The following QTMAN variants were observed in gnomAD, a reference collection of about 807,000 sequenced individuals.
QTMAN encodes the protein tRNA-queuosine alpha-mannosyltransferase.
At chr2:143,938,396 C>T in the QTMAN span, 9 of 152,320 alleles carry the variant, frequency 5.9e-5, no homozygotes, top group African/African-American at 2.2e-4. Flanking sequence ...CCATTAAAAA[C>T]CTCTAGGTCT....
At chr2:144,081,337 G>T in the QTMAN span, among the ~76,000 whole-genome samples, 1 of 152,292 alleles carries the variant, frequency 6.6e-6, no homozygotes, top group Admixed American at 6.5e-5. Flanking sequence ...ACCTAATTCT[G>T]TGGCAATTGC....
chr2:144,169,294 A>C, the QTMAN span, among the ~76,000 whole-genome samples: 11 of 152,294 alleles, frequency 7.2e-5, no homozygotes, highest in Admixed American at 7.2e-4. Context: ...AATCAGAGAC[A>C]ATTTGTTTAT....
chr2:144,320,891 G>T, the QTMAN span, among the ~76,000 whole-genome samples: 2 of 152,286 alleles, frequency 1.3e-5, no homozygotes, highest in Admixed American at 1.3e-4. Flanking sequence ...GATTGCCCCT[G>T]AAGTTCATCA....
chr2:144,193,102 C>T, the QTMAN span, among the ~76,000 whole-genome samples: 1 of 152,080 alleles, frequency 6.6e-6, no homozygotes, highest in African/African-American at 2.4e-5. Flanking sequence ...AGGCTACAGA[C>T]ATCATCAAAC....
chr2:144,256,121 A>G, the QTMAN span, among the ~76,000 whole-genome samples: 2 of 152,216 alleles, frequency 1.3e-5, no homozygotes, highest in Admixed American at 1.3e-4. Flanking sequence ...TCCTGCTCAT[A>G]TAACAACAAC....
the QTMAN span, among the ~76,000 whole-genome samples, chr2:144,317,069 A>G: frequency 2.0e-5 from 3 of 152,156 alleles, no homozygotes; most frequent in African/African-American, 7.2e-5. Context: ...ACTGTATTCC[A>G]TTGATATACT....
chr2:144,217,757 A>G, the QTMAN span, among the ~76,000 whole-genome samples: 1 of 152,132 alleles, frequency 6.6e-6, no homozygotes, highest in Non-Finnish European at 1.5e-5. Context: ...GGGAAAAAAA[A>G]ACAATACTGA....
the QTMAN span, among the ~76,000 whole-genome samples, chr2:144,019,656 T>C: frequency 6.6e-6 from 1 of 152,144 alleles, no homozygotes; most frequent in African/African-American, 2.4e-5. Flanking sequence ...ATAACTTCTC[T>C]AAGCCTATGC....
the QTMAN span, among the ~76,000 whole-genome samples, chr2:143,988,315 T>A: frequency 6.6e-6 from 1 of 152,170 alleles, no homozygotes; most frequent in Non-Finnish European, 1.5e-5. Context: ...TGTGGGCAGA[T>A]GGGAACTTAC....
At chr2:144,032,090 A>G in the QTMAN span, among the ~76,000 whole-genome samples, 1 of 152,074 alleles carries the variant, frequency 6.6e-6, no homozygotes, top group African/African-American at 2.4e-5. Context: ...GCCTGGGGGT[A>G]TGATTATTTT....
chr2:144,221,951 A>G, the QTMAN span, among the ~76,000 whole-genome samples: 1 of 152,254 alleles, frequency 6.6e-6, no homozygotes, highest in Non-Finnish European at 1.5e-5. Flanking sequence ...CTCTACTTAC[A>G]TATAAGGAAT....
chr2:144,281,015 G>C, the QTMAN span, among the ~76,000 whole-genome samples: 1 of 150,682 alleles, frequency 6.6e-6, no homozygotes, highest in Non-Finnish European at 1.5e-5. Flanking sequence ...CCATTAACTC[G>C]TCATTTAGCA....
At chr2:144,168,156 C>G in the QTMAN span, among the ~76,000 whole-genome samples, 12 of 152,170 alleles carry the variant, frequency 7.9e-5, no homozygotes, top group Non-Finnish European at 1.5e-4. Context: ...TCCATATCTT[C>G]CAAATTACGG....
chr2:144,013,094 G>A, the QTMAN span, among the ~76,000 whole-genome samples: 3 of 152,174 alleles, frequency 2.0e-5, no homozygotes, highest in South Asian at 6.2e-4. Flanking sequence ...ATGGTTTTGT[G>A]GGAAAACAAG....
the QTMAN span, among the ~76,000 whole-genome samples, chr2:143,989,275 A>C: frequency 6.6e-6 from 1 of 152,036 alleles, no homozygotes; most frequent in East Asian, 1.9e-4. Context: ...AAATGTAATA[A>C]ATCCATTCAT....
At chr2:144,133,140 T>TAATATA in the QTMAN span, among the ~76,000 whole-genome samples, 1 of 46,162 alleles carries the variant, frequency 2.2e-5, no homozygotes, top group African/African-American at 1.3e-4. Flanking sequence ...TATATATATA[T>TAATATA]ATATATATAT....
At chr2:144,103,415 C>T in the QTMAN span, among the ~76,000 whole-genome samples, 2 of 152,142 alleles carry the variant, frequency 1.3e-5, no homozygotes, top group Non-Finnish European at 2.9e-5. Context: ...CTTCTAGGTG[C>T]CCTGCATAGA....
the QTMAN span, among the ~76,000 whole-genome samples, chr2:144,164,468 A>G: frequency 1.3e-5 from 2 of 152,130 alleles, no homozygotes; most frequent in Admixed American, 6.6e-5. Context: ...AAATGTTGCA[A>G]TATCTGAGAA....
At chr2:144,067,744 G>C in the QTMAN span, among the ~76,000 whole-genome samples, 1 of 152,196 alleles carries the variant, frequency 6.6e-6, no homozygotes, top group East Asian at 1.9e-4. Context: ...CCAGCTGGAA[G>C]AAGGGGGTGC....
Sources: gnomAD v4.1 joint callset for allele counts (sites outside exome capture counted in the v4.1 genomes callset) on GRCh38, gnomAD v4.1.1 for gene constraint, MANE v1.5 for transcripts, NCBI Gene and HGNC (gene_info 2026-07-23, HGNC 2026-07-21) for gene names.